Variants in GABRA1 observed in about 807,000 individuals in gnomAD.
The protein encoded by GABRA1 is gamma-aminobutyric acid receptor subunit alpha-1.
In GABRA1, 9 loss-of-function variants were observed where a neutral mutation model predicts 48.9. That is an observed-to-expected ratio of 0.18 (90% CI 0.11 to 0.32). GABRA1 has a LOEUF of 0.32. Among genes scored for constraint, GABRA1 ranks in the 10% least tolerant of loss-of-function variants. The pLI, the probability that GABRA1 is intolerant of heterozygous loss-of-function variation, is 1.00. For missense variants in GABRA1, 285 were observed against 553.8 expected, an observed-to-expected ratio of 0.51 and a Z score of 4.87; for synonymous variants, 210 against 198.7, an observed-to-expected ratio of 1.06 and a Z score of -0.48.
intron 7 of GABRA1, among the ~76,000 whole-genome samples, chr5:161,889,089 A>G (rs1229540472): frequency 4.6e-5 from 7 of 152,034 alleles, no homozygotes; most frequent in Admixed American, 3.9e-4. Flanking sequence ...ATAAAGTTGA[A>G]CACAGTAAGT....
chr5:161,890,284 G>A (rs1222664646), intron 7 of GABRA1, among the ~76,000 whole-genome samples: 1 of 151,966 alleles, frequency 6.6e-6, no homozygotes, highest in Non-Finnish European at 1.5e-5. Context: ...AATCTAGTTG[G>A]GATTTGAAGA....
intron 3 of GABRA1, among the ~76,000 whole-genome samples, chr5:161,857,463 G>A (rs936722566): frequency 2.0e-5 from 3 of 151,436 alleles, no homozygotes; most frequent in African/African-American, 7.3e-5. Flanking sequence ...TATATAACTT[G>A]GTTAATCTAG....
chr5:161,860,864 A>AT lies in GABRA1; in HGVS notation c.188-4851dup, dbSNP rs202163548. 9.5e-3 allele frequency among the ~76,000 whole-genome samples: 1,445 copies of AT among 151,944 alleles called. 25 individuals carry two copies. Among genetic ancestry groups the AT allele is most frequent in the African/African-American group, 0.033 (1,364 of 41,504 alleles). Reference sequence around the variant, plus strand: ...AGGTGCACAGTATTAGTAAACAGCCATTTTTTGTGCAGCTACTCTTGACCT... The same window carrying AT: ...AGGTGCACAGTATTAGTAAACAGCCATTTTTTTGTGCAGCTACTCTTGACCT... On this transcript the variant is annotated intron_variant, in intron 3 of 9. Transcript: ENST00000393943.
At chr5:161,880,614 G>A (rs1404091626) in intron 6 of GABRA1, among the ~76,000 whole-genome samples, 1 of 152,098 alleles carries the variant, frequency 6.6e-6, no homozygotes, top group Non-Finnish European at 1.5e-5. Flanking sequence ...TTAAACTTAT[G>A]GAAAATTTTG....
At chr5:161,882,392 A>C (rs1581206904) in intron 6 of GABRA1, 166 bp from the exon 7 acceptor site, 2 of 654,258 alleles carry the variant, frequency 3.1e-6, no homozygotes, top group Admixed American at 5.7e-5. Flanking sequence ...AAAAAAAATC[A>C]GAAAACGTGT....
intron 9 of GABRA1, 126 bp from the exon 10 acceptor site, chr5:161,896,985 T>G (rs2113468909): frequency 1.3e-6 from 1 of 797,738 alleles, no homozygotes; most frequent in Non-Finnish European, 2.1e-6. Context: ...AGGCATAAAT[T>G]ATGTTTTTAA....
At chr5:161,880,748 C>A (rs181033356) in intron 6 of GABRA1, among the ~76,000 whole-genome samples, 2 of 152,258 alleles carry the variant, frequency 1.3e-5, no homozygotes, top group East Asian at 3.9e-4. Context: ...GAAAAGTAAT[C>A]ACATTAGAAG....
chr5:161,848,651 G>A (rs1757312386), intron 1 of GABRA1: 1 of 205,320 alleles, frequency 4.9e-6, no homozygotes, highest in Non-Finnish European at 9.9e-6. Context: ...GGGTGAAACC[G>A]CAGCAATATA....
At chr5:161,889,041 A>G (rs1754973689) in intron 7 of GABRA1, among the ~76,000 whole-genome samples, 2 of 152,058 alleles carry the variant, frequency 1.3e-5, no homozygotes, top group African/African-American at 4.8e-5. Flanking sequence ...AATAACTAAA[A>G]TGCAAAGTAT....
chr5:161,874,333 A>G (rs1365128904), intron 5 of GABRA1, among the ~76,000 whole-genome samples: 2 of 152,166 alleles, frequency 1.3e-5, no homozygotes, highest in Non-Finnish European at 2.9e-5. Flanking sequence ...ATTAAAATGT[A>G]TTAGGACTTA....
chr5:161,889,056 T>A (rs1043872765), intron 7 of GABRA1, among the ~76,000 whole-genome samples: 84 of 152,164 alleles, frequency 5.5e-4, no homozygotes, highest in African/African-American at 2.0e-3. Context: ...AAGTATGATA[T>A]ATTATAAATA....
intron 7 of GABRA1, 46 bp from the exon 8 acceptor site, chr5:161,890,852 T>C (rs1755057846): frequency 6.3e-7 from 1 of 1,587,370 alleles, no homozygotes; most frequent in African/African-American, 1.3e-5. Context: ...GATTACCTTT[T>C]TCTAAAGTCA....
Position 161,892,789 on chromosome 5 carries a change from G to A in GABRA1, c.856+1739G>A, listed in dbSNP as rs534704578. The stretch of plus-strand genomic sequence containing the variant: ...GGAGGCCGAGGCGGGTGGATCACGA[G>A]GTCAGGAGATCGAGACCATCCTGGC... On this transcript the variant is annotated intron_variant, in intron 8 of 9. Coordinates refer to ENST00000393943, the MANE Select transcript of GABRA1 (RefSeq NM_001127644.2). Among the ~76,000 whole-genome samples, 32 of 152,148 alleles carry A rather than the reference G, an allele frequency of 2.1e-4. 1 individual carries two copies. In the East Asian group the frequency reaches 5.2e-3, roughly 25 times the overall value.
At chr5:161,892,702 A>AAAC (rs1755150249) in intron 8 of GABRA1, among the ~76,000 whole-genome samples, 1 of 145,060 alleles carries the variant, frequency 6.9e-6, no homozygotes, top group Non-Finnish European at 1.5e-5. Context: ...AACAAACAAA[A>AAAC]ACAAACAAAA....
chr5:161,886,587 G>C, intron 7 of GABRA1, among the ~76,000 whole-genome samples: 1 of 151,850 alleles, frequency 6.6e-6, no homozygotes, highest in Admixed American at 6.6e-5. Flanking sequence ...ACCAGCCTGG[G>C]AAATGTGGAG....
Position 161,895,646 on chromosome 5 carries a change from G to GTTTTTT in GABRA1, c.857-14_857-9dup, listed in dbSNP as rs3214859. ...CACAGTATGAACTGGCATCATGTATGTTTTTTTTTTTCTTTACAGGAGTAA... is the reference window on the plus strand; with the variant it reads ...CACAGTATGAACTGGCATCATGTATGTTTTTTTTTTTTTTTTTCTTTACAGGAGTAA... On this transcript the variant is annotated intron_variant, in intron 8 of 9. Transcript: ENST00000393943. The GTTTTTT allele has an allele frequency of 1.5e-6, 2 of 1,291,526 alleles. No homozygotes were observed. The highest frequency in any genetic ancestry group is 1.1e-6 in the Non-Finnish European group (1 of 928,666). 80.0% of individuals were successfully genotyped at this position (1,291,526 alleles called of 1,614,324 possible).
At position 161,899,889 on chromosome 5, in the gene GABRA1, AG is replaced by A. The variant is rs1024943888; in HGVS notation, c.*2468del. Reference sequence around the variant, plus strand: ...GTGTTGCTTTACAGAGTTTAGCAAAAGCTCTTAATTTTATGTCATACTGTAT... The same window carrying A: ...GTGTTGCTTTACAGAGTTTAGCAAAACTCTTAATTTTATGTCATACTGTAT... On this transcript the variant is annotated 3_prime_UTR_variant, in exon 10 of 10. Coordinates refer to ENST00000393943, the MANE Select transcript of GABRA1 (RefSeq NM_001127644.2). 3 of 152,190 alleles carry A rather than the reference AG, an allele frequency of 2.0e-5. No individual in the cohort carries two copies. Among genetic ancestry groups the A allele is most frequent in the Non-Finnish European group, 4.4e-5 (3 of 68,022 alleles). 9.4% of individuals were successfully genotyped at this position (152,190 alleles called of 1,614,324 possible).
intron 1 of GABRA1, 151 bp from the exon 2 acceptor site, chr5:161,850,645 A>G (rs1757406551): frequency 1.5e-6 from 1 of 677,112 alleles, no homozygotes; most frequent in Non-Finnish European, 2.7e-6. Flanking sequence ...TGGATGGTCC[A>G]GGTTTCCATT....
At chr5:161,880,837 T>C (rs1022253622) in intron 6 of GABRA1, among the ~76,000 whole-genome samples, 2 of 152,108 alleles carry the variant, frequency 1.3e-5, no homozygotes, top group Admixed American at 6.6e-5. Flanking sequence ...GCAACTATAG[T>C]TTTACACCTC....
Sources: allele counts gnomAD v4.1 joint callset (sites outside exome capture counted in the v4.1 genomes callset), GRCh38; gene constraint gnomAD v4.1.1; transcripts MANE v1.5; gene names NCBI Gene and HGNC (gene_info 2026-07-23, HGNC 2026-07-21).